The following PDE4D variants were observed in gnomAD, a reference collection of about 807,000 sequenced individuals.
PDE4D encodes the protein 3',5'-cyclic-AMP phosphodiesterase 4D.
A neutral mutation model predicts 87.4 loss-of-function variants in PDE4D; 24 were observed. The ratio of observed to expected loss-of-function variants is 0.27; its 90% CI spans 0.20 to 0.39. The LOEUF (loss-of-function observed/expected upper bound fraction) is 0.39. PDE4D is among the 10% of genes least tolerant of loss of function. The probability of loss-of-function intolerance (pLI) is 1.00; values close to 1 mark genes in which losing one functional copy is unlikely to be tolerated. For synonymous variants in PDE4D, 384 were observed against 383.2 expected, an observed-to-expected ratio of 1.00 and a Z score of -0.02; for missense variants, 714 against 1,041.0, an observed-to-expected ratio of 0.69 and a Z score of 4.32.
At chr5:59,829,101 T>C (rs1001213999) in intron 1 of PDE4D, among the ~76,000 whole-genome samples, 1 of 151,866 alleles carries the variant, frequency 6.6e-6, no homozygotes, top group African/African-American at 2.4e-5. Context: ...GTAATTGTAG[T>C]GAGATTAAGC....
chr5:60,219,116 T>C (rs1744202028), intron 1 of PDE4D, among the ~76,000 whole-genome samples: 1 of 152,158 alleles, frequency 6.6e-6, no homozygotes, highest in Non-Finnish European at 1.5e-5. Flanking sequence ...AAAGCATGTC[T>C]AGGCAAATAT....
intron 1 of PDE4D, among the ~76,000 whole-genome samples, chr5:60,472,900 C>T (rs1384417443): frequency 6.6e-6 from 1 of 152,088 alleles, no homozygotes; most frequent in African/African-American, 2.4e-5. Context: ...AATGTAAGTG[C>T]TCTGAACACA....
At chr5:59,237,579 G>A (rs1432557493) in intron 1 of PDE4D, among the ~76,000 whole-genome samples, 2 of 152,124 alleles carry the variant, frequency 1.3e-5, no homozygotes, top group African/African-American at 4.8e-5. Context: ...CAGGTGCTCA[G>A]CAAATGCATA....
At chr5:60,484,169 TGA>T (rs988090874) in intron 1 of PDE4D, among the ~76,000 whole-genome samples, 2 of 147,010 alleles carry the variant, frequency 1.4e-5, no homozygotes, top group African/African-American at 2.5e-5. Context: ...AATTTAATAA[TGA>T]GAGTCAAGAC....
At chr5:59,590,045 C>T (rs1168640870) in intron 1 of PDE4D, among the ~76,000 whole-genome samples, 2 of 152,014 alleles carry the variant, frequency 1.3e-5, no homozygotes, top group Non-Finnish European at 1.5e-5. Context: ...CAAGACTACA[C>T]ATTATTAAAC....
At chr5:59,457,581 C>T (rs943448224) in intron 1 of PDE4D, among the ~76,000 whole-genome samples, 1 of 152,102 alleles carries the variant, frequency 6.6e-6, no homozygotes, top group African/African-American at 2.4e-5. Context: ...GAACACAATA[C>T]CATTGTTCAC....
Position 59,649,904 on chromosome 5 carries a change from CCTTT to C in PDE4D, c.455+243260_455+243263del, listed in dbSNP as rs1393496753. Reference sequence around the variant, plus strand: ...TGTTAAAATGTTGATAGTTTGTGAACCTTTTTTTTTTTTTTTTTTTTTTTTTTTA... The same window carrying C: ...TGTTAAAATGTTGATAGTTTGTGAACTTTTTTTTTTTTTTTTTTTTTTTTA... On this transcript the variant is annotated intron_variant, in intron 1 of 14. Coordinates refer to ENST00000340635, the MANE Select transcript of PDE4D (RefSeq NM_001104631.2). Among the ~76,000 whole-genome samples the C allele has an allele frequency of 4.1e-3, 306 of 73,962 alleles. 72 individuals are homozygous for C. The highest frequency in any genetic ancestry group is 0.011 in the African/African-American group (211 of 19,068). 48.5% of individuals were successfully genotyped at this position (73,962 alleles called of 152,430 possible).
chr5:59,699,828 C>T (rs56203004), intron 1 of PDE4D, among the ~76,000 whole-genome samples: 10,482 of 152,188 alleles, frequency 0.069, 1,109 homozygotes, highest in African/African-American at 0.23. Context: ...TTATCAAGGT[C>T]AGATTGATGC....
chr5:60,179,291 A>T (rs1784185819), intron 2 of PDE4D, among the ~76,000 whole-genome samples: 1 of 152,084 alleles, frequency 6.6e-6, no homozygotes, highest in Non-Finnish European at 1.5e-5. Context: ...AATTTGCACA[A>T]GTTAGGGAAA....
chr5:58,998,461 C>G (rs1444918038), intron 6 of PDE4D, among the ~76,000 whole-genome samples: 1 of 151,960 alleles, frequency 6.6e-6, no homozygotes, highest in African/African-American at 2.4e-5. Flanking sequence ...AAATGGCTAA[C>G]AAAATTCAAA....
At chr5:60,383,098 TATC>T (rs1241415769) in intron 1 of PDE4D, among the ~76,000 whole-genome samples, 125 of 152,298 alleles carry the variant, frequency 8.2e-4, no homozygotes, top group Non-Finnish European at 2.8e-4. Flanking sequence ...ATTCTATAAT[TATC>T]ATTTTATTTA....
intron 1 of PDE4D, among the ~76,000 whole-genome samples, chr5:59,487,526 A>G (rs1023421214): frequency 2.0e-5 from 3 of 152,170 alleles, no homozygotes; most frequent in Non-Finnish European, 4.4e-5. Context: ...AGACGATGCT[A>G]TCAGCCCTAT....
chr5:59,292,367 G>A (rs566623141), intron 1 of PDE4D, among the ~76,000 whole-genome samples: 1 of 152,222 alleles, frequency 6.6e-6, no homozygotes, highest in Admixed American at 6.5e-5. Context: ...AGTACCTTAA[G>A]CAAAGATGTT....
chr5:59,693,057 G>T (rs1408204923), intron 1 of PDE4D, among the ~76,000 whole-genome samples: 1 of 151,990 alleles, frequency 6.6e-6, no homozygotes, highest in Non-Finnish European at 1.5e-5. Flanking sequence ...AGCTGACAGG[G>T]TTGAGAATAT....
At chr5:60,032,457 A>G (rs1174575249) in intron 2 of PDE4D, among the ~76,000 whole-genome samples, 1 of 152,210 alleles carries the variant, frequency 6.6e-6, no homozygotes, top group African/African-American at 2.4e-5. Context: ...GAGCCATTCC[A>G]TAACTAAACA....
intron 1 of PDE4D, among the ~76,000 whole-genome samples, chr5:59,480,898 T>C (rs1804136216): frequency 6.6e-6 from 1 of 152,136 alleles, no homozygotes; most frequent in Non-Finnish European, 1.5e-5. Context: ...TTGAAATGGA[T>C]TTTAAGTCAA....
intron 1 of PDE4D, among the ~76,000 whole-genome samples, chr5:60,463,235 C>T (rs1422066583): frequency 6.6e-6 from 1 of 152,078 alleles, no homozygotes; most frequent in Non-Finnish European, 1.5e-5. Context: ...ACGTGCACAC[C>T]CTAGATGAGG....
chr5:59,126,100 A>AT (rs1446019184), intron 5 of PDE4D, among the ~76,000 whole-genome samples: 1 of 137,834 alleles, frequency 7.3e-6, no homozygotes, highest in Non-Finnish European at 1.5e-5. Context: ...AATTGTAAAA[A>AT]AAAAAAAAGA....
Position 59,938,474 on chromosome 5 carries a change from C to T in PDE4D, c.272+50014G>A, listed in dbSNP as rs547783037. On this transcript the variant is annotated intron_variant, in intron 3 of 16. Transcript: ENST00000502484. ...TAAAAATGAAGAATATGCAATCCAG[C>T]CAAGATGACCTATATGTCTAAAACC... 2.0e-5 allele frequency among the ~76,000 whole-genome samples: 3 copies of T among 152,160 alleles called. No individual in the cohort carries two copies. The South Asian group carries it at 6.2e-4, about 31-fold the overall frequency.
Sources: gnomAD v4.1 joint callset for allele counts (sites outside exome capture counted in the v4.1 genomes callset) on GRCh38, gnomAD v4.1.1 for gene constraint, MANE v1.5 for transcripts, NCBI Gene and HGNC (gene_info 2026-07-23, HGNC 2026-07-21) for gene names.